Variants in RBFOX1 observed in about 807,000 individuals in gnomAD.
RBFOX1 encodes the protein RNA binding fox-1 homolog 1.
RBFOX1 carries 8 observed loss-of-function variants against 57.7 expected under a neutral mutation model. That is an observed-to-expected ratio of 0.14 (90% confidence interval 0.08 to 0.25). RBFOX1 has a LOEUF of 0.25. RBFOX1 is among the 10% of genes least tolerant of loss of function. The probability of loss-of-function intolerance (pLI) is 1.00; values close to 1 mark genes in which losing one functional copy is unlikely to be tolerated. For synonymous variants in RBFOX1, 326 were observed against 222.4 expected (o/e 1.47, Z -4.15); for missense variants, 611 against 548.5 (o/e 1.11, Z -1.14).
intron 2 of RBFOX1, among the ~76,000 whole-genome samples, chr16:5,584,158 A>T (rs906204229): frequency 6.6e-6 from 1 of 152,214 alleles, no homozygotes; most frequent in African/African-American, 2.4e-5. Flanking sequence ...CTTGTCAGAC[A>T]TCCTAATTTT....
At chr16:6,303,958 C>G (rs564135679) in intron 1 of RBFOX1, among the ~76,000 whole-genome samples, 43 of 151,092 alleles carry the variant, frequency 2.8e-4, no homozygotes, top group Admixed American at 5.3e-4. Flanking sequence ...ATTACAGGCA[C>G]GCACTACCAT....
At chr16:5,450,184 G>C (rs1334036360) in intron 1 of RBFOX1, among the ~76,000 whole-genome samples, 1 of 152,170 alleles carries the variant, frequency 6.6e-6, no homozygotes, top group Non-Finnish European at 1.5e-5. Context: ...CCCGATCCTT[G>C]TGAATTTCCA....
chr16:7,391,283 G>C (rs1272961067), intron 4 of RBFOX1, among the ~76,000 whole-genome samples: 1 of 152,178 alleles, frequency 6.6e-6, no homozygotes, highest in Admixed American at 6.5e-5. Flanking sequence ...CCCTCTAAGA[G>C]AGTTTTTGGG....
intron 4 of RBFOX1, among the ~76,000 whole-genome samples, chr16:7,181,661 C>G (rs112009769): frequency 0.02 from 3,029 of 152,164 alleles, 101 homozygotes; most frequent in African/African-American, 0.069. Context: ...CTCCCAGGTC[C>G]AAGCGATTCG....
chr16:5,855,976 CTTTTTTTTTT>C (rs1160702604), intron 3 of RBFOX1, among the ~76,000 whole-genome samples: 2 of 77,700 alleles, frequency 2.6e-5, no homozygotes, highest in South Asian at 4.2e-4. Flanking sequence ...GTATGTTATT[CTTTTTTTTTT>C]TTTTTTTTTT....
At chr16:5,772,694 C>G (rs1385417322) in intron 3 of RBFOX1, among the ~76,000 whole-genome samples, 1 of 152,086 alleles carries the variant, frequency 6.6e-6, no homozygotes, top group Non-Finnish European at 1.5e-5. Context: ...ATAGTTTGGA[C>G]CAAGGACAAT....
At position 7,518,156 on chromosome 16, in the gene RBFOX1, G is replaced by C; in HGVS notation, c.37G>C (p.Glu13Gln). 1.2e-6 allele frequency: 2 copies of C among 1,610,708 alleles called. No individual in the cohort carries two copies. The highest frequency in any genetic ancestry group is 1.7e-6 in the Non-Finnish European group (2 of 1,178,334). Residue 13 changes from glutamate (E) to glutamine (Q), a missense_variant, in exon 5 of 16, where the codon GAA (glutamate) becomes CAA (glutamine). By Grantham distance (29) the Glu-to-Gln change is conservative (BLOSUM62 2). Coordinates refer to ENST00000550418, the MANE Select transcript of RBFOX1 (RefSeq NM_018723.4). ...CEREQLRGNQ[E>Q]AAAAPDTMAQ... Reference sequence around the variant, plus strand: ...CTTTTTGATTTTTCAGGGTAATCAGGAAGCAGCCGCTGCCCCTGACACAAT... The same window carrying C: ...CTTTTTGATTTTTCAGGGTAATCAGCAAGCAGCCGCTGCCCCTGACACAAT...
intron 1 of RBFOX1, among the ~76,000 whole-genome samples, chr16:6,023,365 C>G (rs1596460260): frequency 6.6e-6 from 1 of 151,946 alleles, no homozygotes; most frequent in South Asian, 2.1e-4. Flanking sequence ...AAAAATTAAG[C>G]TTAGTCCTTT....
At chr16:7,384,413 C>T (rs748892131) in intron 4 of RBFOX1, among the ~76,000 whole-genome samples, 2 of 152,082 alleles carry the variant, frequency 1.3e-5, no homozygotes, top group African/African-American at 4.8e-5. Context: ...CATGGCTCTC[C>T]TGGTATTTTG....
intron 3 of RBFOX1, among the ~76,000 whole-genome samples, chr16:6,955,389 C>T (rs193248606): frequency 6.6e-6 from 1 of 152,136 alleles, no homozygotes; most frequent in Non-Finnish European, 1.5e-5. Flanking sequence ...CATACACACA[C>T]TCAAAACCCC....
chr16:5,908,956 A>G (rs1261103530), intron 4 of RBFOX1, among the ~76,000 whole-genome samples: 1 of 152,106 alleles, frequency 6.6e-6, no homozygotes, highest in African/African-American at 2.4e-5. Flanking sequence ...GTGAGCCCTC[A>G]CCAAACACCA....
intron 2 of RBFOX1, among the ~76,000 whole-genome samples, chr16:6,621,744 A>C (rs1485421191): frequency 6.6e-6 from 1 of 152,202 alleles, no homozygotes; most frequent in Non-Finnish European, 1.5e-5. Flanking sequence ...CCTGACTCAC[A>C]GATCAACCTT....
At chr16:7,447,846 C>T (rs1224910408) in intron 4 of RBFOX1, among the ~76,000 whole-genome samples, 2 of 152,224 alleles carry the variant, frequency 1.3e-5, no homozygotes, top group Non-Finnish European at 2.9e-5. Flanking sequence ...TAGCCTAGAA[C>T]AGATTTTTCT....
chr16:7,317,660 C>A (rs555267361), intron 4 of RBFOX1, among the ~76,000 whole-genome samples: 1 of 152,152 alleles, frequency 6.6e-6, no homozygotes, highest in African/African-American at 2.4e-5. Flanking sequence ...GCAGTACCTC[C>A]ACCCGCTGCC....
chr16:5,602,624 A>G (rs943196493), downstream of RBFOX1, among the ~76,000 whole-genome samples: 3 of 152,242 alleles, frequency 2.0e-5, no homozygotes, highest in African/African-American at 7.2e-5. Context: ...GAGAGATGTC[A>G]GAAAGGCAGA....
intron 14 of RBFOX1, among the ~76,000 whole-genome samples, chr16:7,680,441 T>C (rs530750634): frequency 6.6e-6 from 1 of 152,256 alleles, no homozygotes; most frequent in East Asian, 1.9e-4. Context: ...GATCAGTGCA[T>C]GAAAATGTCC....
intron 1 of RBFOX1, among the ~76,000 whole-genome samples, chr16:6,165,240 A>G (rs896760196): frequency 6.6e-6 from 1 of 152,192 alleles, no homozygotes; most frequent in African/African-American, 2.4e-5. Context: ...AAGGCTTTAC[A>G]TACAGCAAGT....
At chr16:6,217,786 G>A (rs999930839) in intron 1 of RBFOX1, among the ~76,000 whole-genome samples, 1 of 152,134 alleles carries the variant, frequency 6.6e-6, no homozygotes, top group African/African-American at 2.4e-5. Context: ...AGGCTAAGGC[G>A]GGTGGATCAC....
intron 1 of RBFOX1, among the ~76,000 whole-genome samples, chr16:5,367,987 G>T (rs562388771): frequency 7.2e-5 from 11 of 152,324 alleles, no homozygotes; most frequent in African/African-American, 2.6e-4. Flanking sequence ...AGACGTTATG[G>T]GTTCCACGGG....
Sources: gnomAD v4.1 joint callset for allele counts (sites outside exome capture counted in the v4.1 genomes callset) on GRCh38, gnomAD v4.1.1 for gene constraint, MANE v1.5 for transcripts, NCBI Gene and HGNC (gene_info 2026-07-23, HGNC 2026-07-21) for gene names.